Variants in RAP1GAP2 observed in about 807,000 individuals in gnomAD.
The protein encoded by RAP1GAP2 is RAP1 GTPase activating protein 2.
A neutral mutation model predicts 95.0 loss-of-function variants in RAP1GAP2; 27 were observed. The ratio of observed to expected loss-of-function variants is 0.28; its 90% CI spans 0.21 to 0.39. The LOEUF (loss-of-function observed/expected upper bound fraction) is 0.39, where lower values mean the gene tolerates loss of function less well. Among genes scored for constraint, RAP1GAP2 ranks in the 10% least tolerant of loss-of-function variants. RAP1GAP2 has a pLI of 1.00. For missense variants in RAP1GAP2, 771 were observed against 970.0 expected, an observed-to-expected ratio of 0.79 and a Z score of 2.72; for synonymous variants, 373 against 380.9, an observed-to-expected ratio of 0.98 and a Z score of 0.24.
intron 2 of RAP1GAP2, among the ~76,000 whole-genome samples, chr17:2,880,165 G>A (rs2073234801): frequency 6.6e-6 from 1 of 152,116 alleles, no homozygotes; most frequent in Non-Finnish European, 1.5e-5. Context: ...GAGACCTGGA[G>A]GATGATTAGG....
chr17:2,986,067 T>A (rs1016487615), intron 11 of RAP1GAP2, among the ~76,000 whole-genome samples: 3 of 152,218 alleles, frequency 2.0e-5, no homozygotes, highest in Admixed American at 6.5e-5. Context: ...GGTGAGTTAA[T>A]GAACGAATAA....
chr17:2,962,263 C>A (rs188861980), intron 4 of RAP1GAP2: 24 of 196,004 alleles, frequency 1.2e-4, no homozygotes, highest in South Asian at 1.8e-4. Flanking sequence ...TGACCCACAG[C>A]ATTTATTATA....
intron 3 of RAP1GAP2, among the ~76,000 whole-genome samples, chr17:2,929,270 C>T (rs911391646): frequency 6.6e-6 from 1 of 152,142 alleles, no homozygotes; most frequent in African/African-American, 2.4e-5. Flanking sequence ...TGGGGAAGCT[C>T]ATGCAGATTT....
chr17:2,948,548 A>G (rs529659308), intron 3 of RAP1GAP2, among the ~76,000 whole-genome samples: 3 of 134,394 alleles, frequency 2.2e-5, no homozygotes, highest in South Asian at 4.9e-4. Context: ...CAGGGTGGTG[A>G]TGAGATGGAG....
At chr17:2,765,781 A>G (rs1036459939) in intron 1 of RAP1GAP2, among the ~76,000 whole-genome samples, 4 of 151,422 alleles carry the variant, frequency 2.6e-5, no homozygotes, top group African/African-American at 7.3e-5. Flanking sequence ...AGCCTGGCCA[A>G]TATGGTGAAA....
upstream of RAP1GAP2, among the ~76,000 whole-genome samples, chr17:2,776,823 C>CGTA (rs878993629): frequency 6.9e-6 from 1 of 144,042 alleles, no homozygotes; most frequent in Non-Finnish European, 1.5e-5. Context: ...CCCGCCGCCC[C>CGTA]GGAGGAGGAG....
At chr17:2,947,012 C>T (rs1041913233) in intron 3 of RAP1GAP2, among the ~76,000 whole-genome samples, 2 of 152,208 alleles carry the variant, frequency 1.3e-5, no homozygotes, top group Non-Finnish European at 2.9e-5. Context: ...GCCTTGGCCT[C>T]CCAAAGTGTT....
chr17:3,013,033 G>C (rs937099588), intron 17 of RAP1GAP2, among the ~76,000 whole-genome samples: 16 of 152,332 alleles, frequency 1.1e-4, no homozygotes, highest in African/African-American at 3.8e-4. Flanking sequence ...GAGGACCGGG[G>C]AGGAGAAGGC....
chr17:2,758,950 T>G (rs924721414), intron 1 of RAP1GAP2, among the ~76,000 whole-genome samples: 2 of 152,074 alleles, frequency 1.3e-5, no homozygotes, highest in African/African-American at 4.8e-5. Flanking sequence ...GCTTCCCATG[T>G]AGCTGGGGCC....
rs937129612 is a variant in RAP1GAP2, at chr17:3,003,207, G to A, written c.1201-2162G>A. ...TGAGGTCCTGTCTGGGTCTGCTTGC[G>A]GTCTTGGTCATTGAGCCATCAGAGC... On this transcript the variant is annotated intron_variant, in intron 14 of 24. Coordinates refer to ENST00000254695, the MANE Select transcript of RAP1GAP2 (RefSeq NM_015085.5). The surrounding 1 kb of genome is among the most constrained non-coding windows in gnomAD (Gnocchi z 4.1). Among the ~76,000 whole-genome samples, 3 of 152,124 alleles carry A rather than the reference G, an allele frequency of 2.0e-5. No individual in the cohort carries two copies. Among genetic ancestry groups the A allele is most frequent in the African/African-American group, 7.2e-5 (3 of 41,424 alleles).
At chr17:2,957,821 G>C in intron 4 of RAP1GAP2, 27 bp downstream of exon 4, 1 of 1,567,250 alleles carries the variant, frequency 6.4e-7, no homozygotes, top group South Asian at 1.2e-5. Flanking sequence ...ACCGTGGCGG[G>C]GAAGAAGCCC....
At chr17:2,878,306 C>T (rs951487506) in intron 2 of RAP1GAP2, among the ~76,000 whole-genome samples, 1 of 152,136 alleles carries the variant, frequency 6.6e-6, no homozygotes, top group East Asian at 1.9e-4. Context: ...ACATTGGGTT[C>T]GAGGTGCCTG....
At chr17:2,931,873 C>T (rs2043167307) in intron 3 of RAP1GAP2, among the ~76,000 whole-genome samples, 1 of 152,114 alleles carries the variant, frequency 6.6e-6, no homozygotes, top group African/African-American at 2.4e-5. Flanking sequence ...GATGCTGGGG[C>T]TGAGTTGGGG....
At chr17:2,984,865 T>C in intron 10 of RAP1GAP2, 118 bp from the exon 11 acceptor site, 1 of 1,511,026 alleles carries the variant, frequency 6.6e-7, no homozygotes, top group Admixed American at 2.0e-5. Context: ...TGTATGTGGA[T>C]GTTTCATACC....
intron 1 of RAP1GAP2, among the ~76,000 whole-genome samples, chr17:2,783,264 C>T (rs140913488): frequency 3.0e-3 from 454 of 152,284 alleles, no homozygotes; most frequent in Middle Eastern, 6.8e-3. Flanking sequence ...ACACAGGACT[C>T]CCTAGCCATC....
chr17:2,945,893 G>A (rs1190852769), intron 3 of RAP1GAP2, among the ~76,000 whole-genome samples: 1 of 151,946 alleles, frequency 6.6e-6, no homozygotes, highest in Non-Finnish European at 1.5e-5. Flanking sequence ...GGGTGCAAGC[G>A]ATTCTCATGC....
chr17:2,887,680 GTTT>G (rs34743914), intron 2 of RAP1GAP2, among the ~76,000 whole-genome samples: 1 of 138,424 alleles, frequency 7.2e-6, no homozygotes, highest in Non-Finnish European at 1.6e-5. Flanking sequence ...TGGTTTTTTT[GTTT>G]TTTTTTTTTG....
intron 12 of RAP1GAP2, among the ~76,000 whole-genome samples, chr17:2,994,067 C>T (rs2045872194): frequency 6.6e-6 from 1 of 152,060 alleles, no homozygotes; most frequent in East Asian, 1.9e-4. Context: ...AAACGTGGGC[C>T]TTAGAATAGC....
At chr17:2,817,845 G>A (rs2070094475) in intron 2 of RAP1GAP2, among the ~76,000 whole-genome samples, 1 of 98,552 alleles carries the variant, frequency 1.0e-5, no homozygotes, top group Admixed American at 9.7e-5. Context: ...TTTTTGTTTT[G>A]TTTTGTTTTT....
Sources: gnomAD v4.1 joint callset for allele counts (sites outside exome capture counted in the v4.1 genomes callset) on GRCh38, gnomAD v4.1.1 for gene constraint, Gnocchi (gnomAD v3.1) non-coding constraint, MANE v1.5 for transcripts, NCBI Gene and HGNC (gene_info 2026-07-23, HGNC 2026-07-21) for gene names.